Variants in TPRG1 observed in about 807,000 individuals in gnomAD.
The protein encoded by TPRG1 is tumor protein p63 regulated 1.
A neutral mutation model predicts 29.3 loss-of-function variants in TPRG1; 29 were observed. The observed-to-expected ratio is 0.99, with a 90% CI of 0.74 to 1.35. The LOEUF (loss-of-function observed/expected upper bound fraction) is 1.35, where lower values mean the gene tolerates loss of function less well. TPRG1 is among the 40% of genes most tolerant of loss of function. The pLI is 0.00. For missense variants in TPRG1, 327 were observed against 335.0 expected (o/e 0.98, Z 0.19); for synonymous variants, 130 against 116.8 (o/e 1.11, Z -0.73).
At chr3:189,265,667 A>T (rs1713936257) in intron 4 of TPRG1, among the ~76,000 whole-genome samples, 2 of 152,322 alleles carry the variant, frequency 1.3e-5, no homozygotes, top group South Asian at 4.1e-4. Flanking sequence ...GGGACTGCTT[A>T]AAAGACTCCT....
At chr3:189,058,106 T>A (rs192118433) in intron 4 of TPRG1, among the ~76,000 whole-genome samples, 35 of 152,166 alleles carry the variant, frequency 2.3e-4, no homozygotes, top group African/African-American at 8.2e-4. Context: ...GGATATCCAC[T>A]ACCTGTAGAG....
chr3:189,008,043 A>G (rs1712393106), intron 3 of TPRG1, among the ~76,000 whole-genome samples: 2 of 147,646 alleles, frequency 1.4e-5, no homozygotes, highest in African/African-American at 5.1e-5. Flanking sequence ...AACCTAAAGT[A>G]TAATAAAAAA....
intron 1 of TPRG1, among the ~76,000 whole-genome samples, chr3:189,108,861 A>G (rs1445030762): frequency 6.6e-6 from 1 of 151,934 alleles, no homozygotes; most frequent in Non-Finnish European, 1.5e-5. Flanking sequence ...ATTTGAAGAC[A>G]CCAATCTGTT....
At chr3:189,007,966 G>T (rs1712385603) in intron 3 of TPRG1, among the ~76,000 whole-genome samples, 1 of 149,666 alleles carries the variant, frequency 6.7e-6, no homozygotes, top group African/African-American at 2.5e-5. Context: ...GTTAGCGGGT[G>T]CAGCGCACCA....
chr3:189,227,160 G>T (rs1377059687), intron 3 of TPRG1, among the ~76,000 whole-genome samples: 1 of 149,182 alleles, frequency 6.7e-6, no homozygotes, highest in East Asian at 1.9e-4. Flanking sequence ...AAAAAAAAAA[G>T]AAAAAAAAGA....
At chr3:189,301,484 A>C (rs751383890) in intron 4 of TPRG1, among the ~76,000 whole-genome samples, 3 of 152,184 alleles carry the variant, frequency 2.0e-5, no homozygotes, top group Non-Finnish European at 2.9e-5. Flanking sequence ...GTGCAGCAAG[A>C]TTGGTAAACC....
intron 4 of TPRG1, among the ~76,000 whole-genome samples, chr3:189,246,482 C>A (rs768788704): frequency 1.3e-5 from 2 of 151,984 alleles, no homozygotes; most frequent in Non-Finnish European, 2.9e-5. Flanking sequence ...CCATGACCTG[C>A]AAGATAATGT....
At chr3:188,999,022 T>C (rs1711916708) in intron 1 of TPRG1, among the ~76,000 whole-genome samples, 1 of 152,206 alleles carries the variant, frequency 6.6e-6, no homozygotes, top group African/African-American at 2.4e-5. Context: ...AGTATCCTAA[T>C]TACCCATATT....
chr3:189,021,521 G>T (rs1193887892), intron 3 of TPRG1, among the ~76,000 whole-genome samples: 1 of 152,062 alleles, frequency 6.6e-6, no homozygotes, highest in Non-Finnish European at 1.5e-5. Context: ...GAAATTCTGG[G>T]TTGAAAATTC....
At chr3:189,071,359 C>T (rs1041532517) in intron 4 of TPRG1, among the ~76,000 whole-genome samples, 1 of 152,114 alleles carries the variant, frequency 6.6e-6, no homozygotes, top group African/African-American at 2.4e-5. Context: ...TAAAGAGATC[C>T]TTATAAATAC....
In TPRG1 at chr3:189,258,267, G is replaced by A. The variant is rs193179965; in HGVS notation, c.479+19358G>A. 9.8e-4 allele frequency among the ~76,000 whole-genome samples: 149 copies of A among 151,808 alleles called. 2 individuals are homozygous for A. Among genetic ancestry groups the A allele is most frequent in the African/African-American group, 3.4e-3 (141 of 41,372 alleles). The stretch of plus-strand genomic sequence containing the variant: ...TCCTTCTAAGTCAGGCCCCTCTTCT[G>A]CAAGTCTCCTGGAGTTTGCTGGGGG... On this transcript the variant is annotated intron_variant, in intron 4 of 5. Transcript: ENST00000345063.
chr3:189,083,037 T>C (rs903786957), intron 4 of TPRG1, among the ~76,000 whole-genome samples: 21 of 152,158 alleles, frequency 1.4e-4, no homozygotes, highest in African/African-American at 4.8e-4. Context: ...TCATTTCTCA[T>C]ATTTTTCCAT....
At chr3:189,199,481 T>C (rs748693488) in intron 1 of TPRG1, among the ~76,000 whole-genome samples, 4 of 152,196 alleles carry the variant, frequency 2.6e-5, no homozygotes, top group Non-Finnish European at 5.9e-5. Flanking sequence ...TAAATGGATC[T>C]TTTTTGACTG....
At chr3:189,312,337 G>C (rs903776293) in intron 5 of TPRG1, among the ~76,000 whole-genome samples, 4 of 151,690 alleles carry the variant, frequency 2.6e-5, no homozygotes, top group Admixed American at 6.6e-5. Context: ...GAGTAGCTGG[G>C]ACTACAGGCG....
At chr3:189,310,299 T>C (rs1722276635) in intron 4 of TPRG1, 87 bp from the exon 5 acceptor site, 3 of 1,192,736 alleles carry the variant, frequency 2.5e-6, no homozygotes, top group Non-Finnish European at 3.4e-6. Flanking sequence ...TGGGAGTTAA[T>C]ATGAAGGCTG....
chr3:189,148,570 C>T (rs778302196), intron 4 of TPRG1, among the ~76,000 whole-genome samples: 18 of 152,142 alleles, frequency 1.2e-4, no homozygotes, highest in Admixed American at 7.2e-4. Flanking sequence ...GTTGTTAGTT[C>T]AGCCTGGCTG....
intron 1 of TPRG1, among the ~76,000 whole-genome samples, chr3:189,124,517 A>AT (rs1005967462): frequency 1.7e-4 from 25 of 149,424 alleles, no homozygotes; most frequent in East Asian, 5.9e-4. Context: ...ATATTATGAC[A>AT]TTTTTTTTAA....
chr3:189,111,733 A>T (rs1298348113), intron 1 of TPRG1, among the ~76,000 whole-genome samples: 4 of 152,166 alleles, frequency 2.6e-5, no homozygotes, highest in African/African-American at 4.8e-5. Context: ...AAAATCACTT[A>T]TTAGTCCTAG....
chr3:189,145,365 A>C (rs1253280921), intron 3 of TPRG1, among the ~76,000 whole-genome samples: 1 of 151,430 alleles, frequency 6.6e-6, no homozygotes, highest in Admixed American at 6.6e-5. Flanking sequence ...CATCTAAAAA[A>C]AAAAAAAACA....
Sources: gnomAD v4.1 joint callset for allele counts (sites outside exome capture counted in the v4.1 genomes callset) on GRCh38, gnomAD v4.1.1 for gene constraint, MANE v1.5 for transcripts, NCBI Gene and HGNC (gene_info 2026-07-23, HGNC 2026-07-21) for gene names.